The following NRXN1 variants were observed in gnomAD, a reference collection of about 807,000 sequenced individuals.
NRXN1 encodes the protein neurexin-1.
In NRXN1, 39 loss-of-function variants were observed where a neutral mutation model predicts 150.9. The ratio of observed to expected loss-of-function variants is 0.26; its 90% CI spans 0.20 to 0.34. The LOEUF is 0.34. Ranked by LOEUF, NRXN1 falls within the 10% of genes least tolerant of loss-of-function variation. The probability of loss-of-function intolerance (pLI) is 1.00; values close to 1 mark genes in which losing one functional copy is unlikely to be tolerated. For synonymous variants in NRXN1, 924 were observed against 757.0 expected (o/e 1.22, Z -3.62); for missense variants, 1,815 against 1,949.9 (o/e 0.93, Z 1.30).
intron 8 of NRXN1, among the ~76,000 whole-genome samples, chr2:50,561,851 T>C (rs964819426): frequency 9.8e-5 from 15 of 152,348 alleles, no homozygotes; most frequent in Admixed American, 5.2e-4. Context: ...CTTGCAATGT[T>C]CACTACTATT....
Position 50,021,749 on chromosome 2 carries a change from C to A in NRXN1, c.4128+31522G>T, listed in dbSNP as rs1337838233. On this transcript the variant is annotated intron_variant, in intron 21 of 22. Transcript: ENST00000401669. ...AATGTAATATACAATCATTTTAACA[C>A]ATATTTTGCTAAATCATCTATTCAG... Among the ~76,000 whole-genome samples, 4 of 152,164 alleles carry A rather than the reference C, an allele frequency of 2.6e-5. No homozygotes were observed. In the East Asian group the frequency reaches 7.7e-4, roughly 29 times the overall value.
intron 21 of NRXN1, among the ~76,000 whole-genome samples, chr2:49,948,371 T>C (rs1400903930): frequency 1.3e-5 from 2 of 152,104 alleles, no homozygotes; most frequent in African/African-American, 2.4e-5. Flanking sequence ...GTACTTCCTA[T>C]AGCCCTCTTA....
chr2:50,334,247 G>A (rs780429945), intron 17 of NRXN1, among the ~76,000 whole-genome samples: 3 of 138,084 alleles, frequency 2.2e-5, no homozygotes, highest in Admixed American at 7.1e-5. Flanking sequence ...CTCACGTCTA[G>A]GCAAAATACA....
intron 5 of NRXN1, among the ~76,000 whole-genome samples, chr2:50,859,320 G>A (rs1675747563): frequency 2.0e-5 from 3 of 151,848 alleles, no homozygotes; most frequent in African/African-American, 7.3e-5. Context: ...GCAGTGCTAG[G>A]GGGCAGTGCA....
intron 21 of NRXN1, among the ~76,000 whole-genome samples, chr2:50,052,513 A>G (rs933337773): frequency 6.6e-6 from 1 of 152,134 alleles, no homozygotes; most frequent in African/African-American, 2.4e-5. Flanking sequence ...CAATATTCAA[A>G]CCAGTGCCTG....
chr2:50,318,542 T>C (rs2075786450), intron 17 of NRXN1, among the ~76,000 whole-genome samples: 1 of 152,022 alleles, frequency 6.6e-6, no homozygotes, highest in Non-Finnish European at 1.5e-5. Flanking sequence ...CAAATATCCA[T>C]GAGCATAGAG....
At chr2:50,204,129 A>G (rs2062391256) in intron 18 of NRXN1, among the ~76,000 whole-genome samples, 1 of 152,130 alleles carries the variant, frequency 6.6e-6, no homozygotes, top group South Asian at 2.1e-4. Flanking sequence ...TTAAGTGAAT[A>G]AGGATCACAA....
At chr2:50,807,253 C>A (rs370212137) in intron 5 of NRXN1, among the ~76,000 whole-genome samples, 8 of 152,022 alleles carry the variant, frequency 5.3e-5, no homozygotes, top group Admixed American at 1.3e-4. Flanking sequence ...TTAACTATAA[C>A]CTTCATAATT....
At chr2:49,968,347 A>C (rs1161853760) in intron 21 of NRXN1, among the ~76,000 whole-genome samples, 2 of 152,122 alleles carry the variant, frequency 1.3e-5, no homozygotes, top group Non-Finnish European at 2.9e-5. Context: ...GAATGAATAC[A>C]AACTAAATAT....
chr2:50,329,510 C>A (rs1268356371), intron 17 of NRXN1, among the ~76,000 whole-genome samples: 1 of 147,274 alleles, frequency 6.8e-6, no homozygotes, highest in African/African-American at 2.5e-5. Context: ...AATAACTATA[C>A]CTTCTAACTC....
At chr2:50,371,973 T>C (rs2080063107) in intron 17 of NRXN1, among the ~76,000 whole-genome samples, 2 of 152,078 alleles carry the variant, frequency 1.3e-5, no homozygotes, top group African/African-American at 4.8e-5. Flanking sequence ...TTCATATAGC[T>C]GAATCATATT....
At chr2:50,144,277 G>C (rs1274678705) in intron 18 of NRXN1, among the ~76,000 whole-genome samples, 1 of 151,720 alleles carries the variant, frequency 6.6e-6, no homozygotes, top group African/African-American at 2.4e-5. Flanking sequence ...TTTCATTGTT[G>C]TTTTTTCCCT....
At chr2:50,287,181 T>C (rs1427861671) in intron 17 of NRXN1, among the ~76,000 whole-genome samples, 1 of 152,158 alleles carries the variant, frequency 6.6e-6, no homozygotes, top group East Asian at 1.9e-4. Flanking sequence ...TTCAGTGCTT[T>C]ACATGTTTTG....
At chr2:50,272,389 C>G (rs572926732) in intron 17 of NRXN1, among the ~76,000 whole-genome samples, 1 of 152,240 alleles carries the variant, frequency 6.6e-6, no homozygotes, top group Non-Finnish European at 1.5e-5. Context: ...TAGTTTACCA[C>G]TACTATATTA....
At chr2:49,923,878 T>C (rs970169508) in intron 22 of NRXN1, among the ~76,000 whole-genome samples, 2 of 152,260 alleles carry the variant, frequency 1.3e-5, no homozygotes, top group Non-Finnish European at 2.9e-5. Context: ...TTATGCTGAA[T>C]GTGTCATTGC....
At chr2:50,498,618 C>A (rs184898820) in intron 13 of NRXN1, among the ~76,000 whole-genome samples, 118 of 152,264 alleles carry the variant, frequency 7.7e-4, no homozygotes, top group Admixed American at 1.7e-3. Flanking sequence ...CCATTAATAG[C>A]AAACTTAGTC....
chr2:50,490,678 C>T (rs1431899774), intron 15 of NRXN1, among the ~76,000 whole-genome samples: 1 of 152,190 alleles, frequency 6.6e-6, no homozygotes, highest in African/African-American at 2.4e-5. Flanking sequence ...CATCTCACAG[C>T]AGTGCCAGCA....
At chr2:50,944,800 G>C (rs1057149194) in intron 2 of NRXN1, among the ~76,000 whole-genome samples, 3 of 152,174 alleles carry the variant, frequency 2.0e-5, no homozygotes, top group African/African-American at 7.2e-5. Context: ...GCCTCTAGCA[G>C]CAATAATTAA....
rs528402982 is a variant in NRXN1, at chr2:50,571,556, G to A, written c.1321-18531C>T. Among the ~76,000 whole-genome samples the A allele has an allele frequency of 3.2e-4, 49 of 152,126 alleles. 1 individual carries two copies. Among genetic ancestry groups the A allele is most frequent in the Middle Eastern group, 6.8e-3 (2 of 294 alleles). Reference sequence around the variant, plus strand: ...GCTGAGCACATTTGATAAGTGTGTAGTTCTGTTCAGTTTCGGATCTGCTAA... The same window carrying A: ...GCTGAGCACATTTGATAAGTGTGTAATTCTGTTCAGTTTCGGATCTGCTAA... On this transcript the variant is annotated intron_variant, in intron 8 of 22. Transcript: ENST00000401669.
Sources: allele counts gnomAD v4.1 joint callset (sites outside exome capture counted in the v4.1 genomes callset), GRCh38; gene constraint gnomAD v4.1.1; transcripts MANE v1.5; gene names NCBI Gene and HGNC (gene_info 2026-07-23, HGNC 2026-07-21).